The following RGS7 variants were observed in gnomAD, a reference collection of about 807,000 sequenced individuals.
RGS7 encodes regulator of G-protein signaling 7.
Under a neutral mutation model 81.1 loss-of-function variants are expected in RGS7, and 27 were observed. The observed-to-expected ratio is 0.33, with a 90% confidence interval of 0.25 to 0.46. The LOEUF (loss-of-function observed/expected upper bound fraction) is 0.46. Ranked by LOEUF, RGS7 falls within the 20% of genes least tolerant of loss-of-function variation. The pLI is 1.00. For synonymous variants in RGS7, 208 were observed against 207.7 expected, an observed-to-expected ratio of 1.00 and a Z score of -0.01; for missense variants, 396 against 607.4, an observed-to-expected ratio of 0.65 and a Z score of 3.66.
At chr1:241,132,787 G>A (rs113523776) in intron 2 of RGS7, among the ~76,000 whole-genome samples, 1 of 150,510 alleles carries the variant, frequency 6.6e-6, no homozygotes, top group Admixed American at 6.6e-5. Context: ...GTTTTAGACG[G>A]AGTCTAGCTC....
At chr1:241,066,652 G>A (rs547854750) in intron 3 of RGS7, among the ~76,000 whole-genome samples, 7 of 152,014 alleles carry the variant, frequency 4.6e-5, no homozygotes, top group African/African-American at 1.2e-4. Context: ...CTTTCCTCTC[G>A]CTCCTCAAAT....
At chr1:240,928,140 A>G (rs1674779304) in intron 6 of RGS7, among the ~76,000 whole-genome samples, 1 of 152,184 alleles carries the variant, frequency 6.6e-6, no homozygotes, top group African/African-American at 2.4e-5. Context: ...CCACCCACTC[A>G]TTCCTTCCAG....
intron 6 of RGS7, among the ~76,000 whole-genome samples, chr1:240,883,051 T>C (rs909263606): frequency 5.9e-5 from 9 of 152,130 alleles, no homozygotes; most frequent in Non-Finnish European, 1.0e-4. Flanking sequence ...TTCATCCATG[T>C]CCCTACAAAG....
chr1:240,944,664 G>A (rs988333405), intron 4 of RGS7, among the ~76,000 whole-genome samples: 4 of 152,070 alleles, frequency 2.6e-5, no homozygotes, highest in African/African-American at 4.8e-5. Flanking sequence ...GCAAGTCATG[G>A]GGCTTAAATT....
At position 240,868,896 on chromosome 1, in the gene RGS7, A is replaced by G. The variant is rs776863371; in HGVS notation, c.451-44T>C. On this transcript the variant is annotated intron_variant, in intron 7 of 18. Coordinates refer to ENST00000440928, the MANE Select transcript of RGS7 (RefSeq NM_001364886.1). This position sits in a 1 kb window ranked among gnomAD's most constrained non-coding sequence, Gnocchi z 5.1. Reference sequence around the variant, plus strand: ...GTGAAGACATTTGGTGTTCATTGTCACTGCTCTCTTCTAGCTTAGTTACCA... The same window carrying G: ...GTGAAGACATTTGGTGTTCATTGTCGCTGCTCTCTTCTAGCTTAGTTACCA... The G allele has an allele frequency of 1.9e-6, 3 of 1,548,582 alleles. No individual in the cohort carries two copies. The highest frequency in any genetic ancestry group is 2.7e-6 in the Non-Finnish European group (3 of 1,120,352).
At chr1:241,089,184 G>C (rs2063712504) in intron 3 of RGS7, among the ~76,000 whole-genome samples, 1 of 148,080 alleles carries the variant, frequency 6.8e-6, no homozygotes, top group Admixed American at 6.7e-5. Context: ...AAGCAGAGCA[G>C]GGATAAGTCT....
intron 2 of RGS7, among the ~76,000 whole-genome samples, chr1:241,189,309 T>G: frequency 6.6e-6 from 1 of 152,254 alleles, no homozygotes; most frequent in African/African-American, 2.4e-5. Flanking sequence ...GCTTATTTGC[T>G]ATCTGTATAA....
chr1:240,928,639 C>T (rs376326390), intron 6 of RGS7, among the ~76,000 whole-genome samples: 1 of 142,072 alleles, frequency 7.0e-6, no homozygotes. Context: ...GACGGAGTCT[C>T]ACTCTGTCAT....
intron 2 of RGS7, among the ~76,000 whole-genome samples, chr1:241,118,935 C>T (rs549620071): frequency 6.6e-6 from 1 of 152,216 alleles, no homozygotes; most frequent in African/African-American, 2.4e-5. Context: ...CAGTTGAATA[C>T]AATAATCACT....
intron 3 of RGS7, among the ~76,000 whole-genome samples, chr1:241,087,766 T>C (rs2063533457): frequency 6.6e-6 from 1 of 151,914 alleles, no homozygotes; most frequent in Non-Finnish European, 1.5e-5. Flanking sequence ...CCAGGCAACA[T>C]GGCAAAAGCC....
At chr1:241,279,233 A>G (rs2148391318) in intron 2 of RGS7, among the ~76,000 whole-genome samples, 1 of 152,296 alleles carries the variant, frequency 6.6e-6, no homozygotes, top group East Asian at 1.9e-4. Context: ...TACTCCTTTC[A>G]GTATCCAAGA....
intron 2 of RGS7, among the ~76,000 whole-genome samples, chr1:241,248,851 C>G (rs918520360): frequency 1.4e-4 from 22 of 152,172 alleles, no homozygotes; most frequent in Admixed American, 7.2e-4. Flanking sequence ...GGACCTTTAA[C>G]ATGGCCACAA....
At chr1:241,019,259 C>A (rs1393358642) in intron 3 of RGS7, among the ~76,000 whole-genome samples, 2 of 152,142 alleles carry the variant, frequency 1.3e-5, no homozygotes, top group Non-Finnish European at 2.9e-5. Context: ...ATCTTCTGCT[C>A]CAAGTAAACA....
chr1:240,947,944 C>T (rs1033180800), intron 4 of RGS7, among the ~76,000 whole-genome samples: 6 of 152,160 alleles, frequency 3.9e-5, no homozygotes, highest in African/African-American at 1.4e-4. Flanking sequence ...ACATACCAAG[C>T]ATGCGCAGGC....
intron 14 of RGS7, among the ~76,000 whole-genome samples, chr1:240,811,142 A>G (rs903725181): frequency 2.0e-5 from 3 of 152,254 alleles, no homozygotes; most frequent in East Asian, 1.9e-4. Context: ...ACAGGACTGC[A>G]TAAGTCATGG....
At position 240,799,287 on chromosome 1, in the gene RGS7, TTGTG is replaced by T. The variant is rs71678488; in HGVS notation, c.*6+1350_*6+1353del. On this transcript the variant is annotated intron_variant, in intron 18 of 18. Transcript: ENST00000440928. The stretch of plus-strand genomic sequence containing the variant: ...TGTGTGTGTGTGTGTGTGTCTATGT[TTGTG>T]TGTGTGTGTGTGTGTGTGTGTGGAT... Among the ~76,000 whole-genome samples, 117 of 142,478 alleles carry T rather than the reference TTGTG, an allele frequency of 8.2e-4. 1 individual carries two copies. The highest frequency in any genetic ancestry group is 6.9e-3 in the East Asian group (34 of 4,904). The allele number at this position is 142,478 out of a possible 152,430, so 93.5% of individuals were successfully genotyped here.
chr1:240,904,262 A>T (rs948523671), intron 6 of RGS7, among the ~76,000 whole-genome samples: 1 of 152,208 alleles, frequency 6.6e-6, no homozygotes, highest in African/African-American at 2.4e-5. Context: ...AGTGAGTAAT[A>T]TAATACCTTC....
At chr1:240,843,976 C>T (rs9660066) in intron 9 of RGS7, among the ~76,000 whole-genome samples, 102,330 of 151,702 alleles carry the variant, frequency 0.67, 34,942 homozygotes, top group Middle Eastern at 0.77. Context: ...TTCTGGCAGA[C>T]TGAGCCCATG....
intron 2 of RGS7, among the ~76,000 whole-genome samples, chr1:241,105,562 A>G (rs1050033860): frequency 5.3e-5 from 8 of 152,240 alleles, no homozygotes; most frequent in African/African-American, 1.9e-4. Flanking sequence ...GGGCTCCCAC[A>G]TATTGATGAA....
Sources: allele counts gnomAD v4.1 joint callset (sites outside exome capture counted in the v4.1 genomes callset), GRCh38; gene constraint gnomAD v4.1.1; non-coding constraint Gnocchi (gnomAD v3.1); transcripts MANE v1.5; gene names NCBI Gene and HGNC (gene_info 2026-07-23, HGNC 2026-07-21).